Variants in OPCML observed in about 807,000 individuals in gnomAD.
OPCML encodes the protein opioid-binding protein/cell adhesion molecule.
OPCML carries 13 observed loss-of-function variants against 37.8 expected under a neutral mutation model. The ratio of observed to expected loss-of-function variants is 0.34; its 90% CI spans 0.22 to 0.55. The LOEUF (loss-of-function observed/expected upper bound fraction) is 0.55, where lower values mean the gene tolerates loss of function less well. OPCML is among the 20% of genes least tolerant of loss of function. The pLI is 0.91. For synonymous variants in OPCML, 176 were observed against 168.8 expected, an observed-to-expected ratio of 1.04 and a Z score of -0.33; for missense variants, 341 against 435.6, an observed-to-expected ratio of 0.78 and a Z score of 1.93.
chr11:132,824,585 C>T (rs1206706664), intron 2 of OPCML, among the ~76,000 whole-genome samples: 1 of 152,122 alleles, frequency 6.6e-6, no homozygotes, highest in African/African-American at 2.4e-5. Flanking sequence ...GAGCACACCC[C>T]ATCATCCCTT....
chr11:133,203,366 A>G (rs538024624), intron 1 of OPCML, among the ~76,000 whole-genome samples: 1 of 152,344 alleles, frequency 6.6e-6, no homozygotes, highest in East Asian at 1.9e-4. Flanking sequence ...GTTGAATGTG[A>G]GTTCCTTTTG....
chr11:132,932,766 G>T (rs1237640017), intron 2 of OPCML, among the ~76,000 whole-genome samples: 3 of 150,322 alleles, frequency 2.0e-5, no homozygotes, highest in South Asian at 2.1e-4. Flanking sequence ...ACTGTTTATT[G>T]TGCTCTTGCT....
intron 2 of OPCML, among the ~76,000 whole-genome samples, chr11:132,845,545 C>A (rs1346441300): frequency 6.6e-6 from 1 of 152,162 alleles, no homozygotes; most frequent in Non-Finnish European, 1.5e-5. Context: ...GATTAGCTGG[C>A]AGGATCCTCA....
At chr11:132,665,168 C>T (rs1306043784) in intron 2 of OPCML, among the ~76,000 whole-genome samples, 2 of 152,080 alleles carry the variant, frequency 1.3e-5, no homozygotes, top group Non-Finnish European at 2.9e-5. Flanking sequence ...AACGTGAGGG[C>T]CTGCAACATG....
chr11:133,331,984 T>C (rs1565576797), intron 1 of OPCML, among the ~76,000 whole-genome samples: 1 of 152,206 alleles, frequency 6.6e-6, no homozygotes, highest in Non-Finnish European at 1.5e-5. Flanking sequence ...TCATTCGTAG[T>C]TTGATAGGAG....
intron 3 of OPCML, among the ~76,000 whole-genome samples, chr11:132,652,822 G>A (rs1276289186): frequency 2.6e-5 from 4 of 152,182 alleles, no homozygotes; most frequent in Non-Finnish European, 5.9e-5. Context: ...CCTGCCACCT[G>A]TATCTGCAGG....
At chr11:132,733,407 T>C (rs1945151153) in intron 2 of OPCML, among the ~76,000 whole-genome samples, 1 of 152,010 alleles carries the variant, frequency 6.6e-6, no homozygotes, top group African/African-American at 2.4e-5. Context: ...ACATAATATT[T>C]AGAAACAGGG....
At chr11:132,939,334 TC>T (rs1335696149) in intron 2 of OPCML, among the ~76,000 whole-genome samples, 8 of 152,084 alleles carry the variant, frequency 5.3e-5, no homozygotes, top group African/African-American at 1.9e-4. Flanking sequence ...TAGTTAAACC[TC>T]AAATACTTGG....
chr11:133,051,376 A>G lies in OPCML; in HGVS notation c.62-108366T>C, dbSNP rs528405189. Among the ~76,000 whole-genome samples, 4 of 152,336 alleles carry G rather than the reference A, an allele frequency of 2.6e-5. No individual in the cohort carries two copies. The South Asian group carries it at 8.3e-4, about 32-fold the overall frequency. On this transcript the variant is annotated intron_variant, in intron 1 of 7. Transcript: ENST00000524381. ...AAGTCTCCCAACCGAAAAAAGGAAG[A>G]GTGAAGCAGTTAGAGTCTGCACCCA... is the stretch of plus-strand genomic sequence containing the variant.
At chr11:132,491,027 A>G (rs2096214102) in intron 4 of OPCML, among the ~76,000 whole-genome samples, 1 of 152,058 alleles carries the variant, frequency 6.6e-6, no homozygotes, top group Non-Finnish European at 1.5e-5. Context: ...CTCACACCCC[A>G]AATCCAATCT....
chr11:133,175,482 T>TAAA (rs1950356386), intron 1 of OPCML, among the ~76,000 whole-genome samples: 1 of 79,178 alleles, frequency 1.3e-5, no homozygotes, highest in Non-Finnish European at 2.9e-5. Flanking sequence ...AAGAGAAAAA[T>TAAA]AGAAAAAAAA....
chr11:133,015,331 AGAAG>A (rs1466248204), intron 1 of OPCML, among the ~76,000 whole-genome samples: 5 of 141,104 alleles, frequency 3.5e-5, no homozygotes, highest in South Asian at 5.2e-4. Flanking sequence ...AAGGAAAAAA[AGAAG>A]GAAGGGAGGG....
At chr11:133,133,340 A>T (rs1277455705) in intron 1 of OPCML, among the ~76,000 whole-genome samples, 1 of 152,174 alleles carries the variant, frequency 6.6e-6, no homozygotes, top group Non-Finnish European at 1.5e-5. Context: ...ATCTCCAGCC[A>T]GGAAAAGCTG....
chr11:132,971,475 C>T (rs890035286), intron 1 of OPCML, among the ~76,000 whole-genome samples: 6 of 152,304 alleles, frequency 3.9e-5, no homozygotes, highest in Middle Eastern at 3.4e-3. Context: ...TAAGCCCGTG[C>T]GTTCAGCCCC....
intron 3 of OPCML, among the ~76,000 whole-genome samples, chr11:132,552,625 T>G (rs961311960): frequency 1.3e-5 from 2 of 152,140 alleles, no homozygotes; most frequent in African/African-American, 4.8e-5. Context: ...TAGCTATTAT[T>G]CCCTGCGTCT....
intron 2 of OPCML, among the ~76,000 whole-genome samples, chr11:132,836,394 C>T (rs1000000250): frequency 3.9e-5 from 6 of 152,142 alleles, no homozygotes; most frequent in Non-Finnish European, 7.4e-5. Flanking sequence ...GTGTGACTTC[C>T]GTCCCCTCAG....
intron 1 of OPCML, among the ~76,000 whole-genome samples, chr11:132,997,085 C>A (rs1474746737): frequency 6.6e-6 from 1 of 152,130 alleles, no homozygotes; most frequent in Non-Finnish European, 1.5e-5. Flanking sequence ...GAGCCTTTTA[C>A]CCCTCTCCTC....
At chr11:132,839,762 G>A (rs1228447010) in intron 2 of OPCML, among the ~76,000 whole-genome samples, 3 of 152,164 alleles carry the variant, frequency 2.0e-5, no homozygotes, top group Admixed American at 1.3e-4. Flanking sequence ...TGCAAATATG[G>A]TTGCTTTTTC....
chr11:133,287,010 C>A (rs925617576), intron 1 of OPCML, among the ~76,000 whole-genome samples: 3 of 152,108 alleles, frequency 2.0e-5, no homozygotes, highest in Non-Finnish European at 4.4e-5. Context: ...ATGGGTGAGG[C>A]TGTGGACAGA....
Sources: gnomAD v4.1 joint callset for allele counts (sites outside exome capture counted in the v4.1 genomes callset) on GRCh38, gnomAD v4.1.1 for gene constraint, MANE v1.5 for transcripts, NCBI Gene and HGNC (gene_info 2026-07-23, HGNC 2026-07-21) for gene names.